The following LCMT1 variants were observed in gnomAD, a reference collection of about 807,000 sequenced individuals.
LCMT1 encodes [Phosphatase 2A protein]-leucine-carboxy methyltransferase 1.
Under a neutral mutation model 47.7 loss-of-function variants are expected in LCMT1, and 32 were observed. The ratio of observed to expected loss-of-function variants is 0.67; its 90% CI spans 0.51 to 0.90. LCMT1 has a LOEUF of 0.90. Ranked by LOEUF, LCMT1 falls within the 40% of genes least tolerant of loss-of-function variation. The probability of loss-of-function intolerance (pLI) is 0.00; values close to 1 mark genes in which losing one functional copy is unlikely to be tolerated. For missense variants in LCMT1, 375 were observed against 415.2 expected (o/e 0.90, Z 0.84); for synonymous variants, 152 against 149.7 (o/e 1.02, Z -0.11).
At chr16:25,134,693 C>T (rs1204397904) in intron 3 of LCMT1, among the ~76,000 whole-genome samples, 17 of 152,184 alleles carry the variant, frequency 1.1e-4, no homozygotes, top group African/African-American at 2.9e-4. Context: ...CTCCACCTCC[C>T]GGGTTGAAGC....
At chr16:25,151,005 A>G (rs540924046) in intron 4 of LCMT1, among the ~76,000 whole-genome samples, 84 of 152,270 alleles carry the variant, frequency 5.5e-4, no homozygotes, top group Non-Finnish European at 9.4e-4. Context: ...CCGGGGACAG[A>G]AAGTGTGTTG....
intron 4 of LCMT1, chr16:25,147,855 C>A (rs1253789077): frequency 6.6e-6 from 1 of 152,284 alleles, no homozygotes; most frequent in East Asian, 1.9e-4. Context: ...ACACCCGGCT[C>A]ATTTTTCCTG....
chr16:25,115,232 G>T (rs1015248307), intron 1 of LCMT1, among the ~76,000 whole-genome samples: 3 of 152,142 alleles, frequency 2.0e-5, no homozygotes, highest in African/African-American at 7.2e-5. Context: ...CACCTCAGTG[G>T]TTCTCTCTGT....
Position 25,164,680 on chromosome 16 carries a change from A to G in LCMT1, c.652A>G (p.Asn218Asp). Reference protein sequence around the residue: ...QSANLLKWAANSFERAMFINY... With the variant: ...QSANLLKWAADSFERAMFINY... The stretch of plus-strand genomic sequence containing the variant: ...CGCAAACCTCCTGAAGTGGGCAGCC[A>G]ACAGTTTTGAGAGAGCCATGTTCAT... The change falls in exon 7 of 11, where the codon AAC becomes GAC. Residue 218 changes from asparagine (N) to aspartate (D), a missense_variant. Asn to Asp is a conservative substitution (Grantham distance 23). Transcript: ENST00000399069. The G allele has an allele frequency of 6.2e-7, 1 of 1,614,044 alleles. No homozygotes were observed.
At chr16:25,125,155 G>A (rs1270991649) in intron 1 of LCMT1, among the ~76,000 whole-genome samples, 2 of 152,188 alleles carry the variant, frequency 1.3e-5, no homozygotes, top group Non-Finnish European at 2.9e-5. Flanking sequence ...GAAATTGACA[G>A]GCAGAACTAG....
chr16:25,174,499 T>C (rs1438199421), intron 9 of LCMT1, among the ~76,000 whole-genome samples: 3 of 152,198 alleles, frequency 2.0e-5, no homozygotes, highest in Non-Finnish European at 4.4e-5. Context: ...GCTTTTTAAA[T>C]TCCATGATAT....
At chr16:25,129,731 T>G (rs1960295209) in intron 2 of LCMT1, among the ~76,000 whole-genome samples, 1 of 152,226 alleles carries the variant, frequency 6.6e-6, no homozygotes, top group African/African-American at 2.4e-5. Context: ...CTGGACTAAT[T>G]ATGTGGATTT....
chr16:25,163,509 TGTAC>T (rs1287429474), intron 6 of LCMT1, among the ~76,000 whole-genome samples: 2 of 151,852 alleles, frequency 1.3e-5, no homozygotes, highest in Non-Finnish European at 2.9e-5. Context: ...TATGTGTATA[TGTAC>T]ACATACAATC....
chr16:25,143,691 G>A (rs1476951940), intron 4 of LCMT1: 14 of 152,198 alleles, frequency 9.2e-5, no homozygotes, highest in African/African-American at 2.9e-4. Flanking sequence ...GTCAAGAAGG[G>A]GGAATTGGAT....
At chr16:25,138,286 G>A (rs1254240837) in intron 3 of LCMT1, among the ~76,000 whole-genome samples, 1 of 152,176 alleles carries the variant, frequency 6.6e-6, no homozygotes, top group South Asian at 2.1e-4. Flanking sequence ...ACACAGCAGC[G>A]TGCAGCTTTG....
intron 5 of LCMT1, among the ~76,000 whole-genome samples, chr16:25,154,397 CTCTTGTAAATTT>C (rs1404140350): frequency 6.6e-6 from 1 of 151,790 alleles, no homozygotes; most frequent in African/African-American, 2.4e-5. Flanking sequence ...ACTTTGGGAC[CTCTTGTAAATTT>C]TTTTATTTCC....
intron 7 of LCMT1, among the ~76,000 whole-genome samples, chr16:25,166,115 C>G (rs1961580673): frequency 6.6e-6 from 1 of 151,556 alleles, no homozygotes; most frequent in Admixed American, 6.6e-5. Context: ...ACAAAAAATA[C>G]AAAAATTAGC....
intron 8 of LCMT1, among the ~76,000 whole-genome samples, chr16:25,169,757 C>CTT (rs71156487): frequency 1.2e-4 from 18 of 151,646 alleles, no homozygotes; most frequent in Non-Finnish European, 1.0e-4. Flanking sequence ...TTTAAAAAAC[C>CTT]TTTTTTTTAT....
chr16:25,157,562 T>TAA (rs57016905), intron 5 of LCMT1, among the ~76,000 whole-genome samples: 1 of 146,360 alleles, frequency 6.8e-6, no homozygotes, highest in African/African-American at 2.5e-5. Context: ...GCAACAACAA[T>TAA]AAAAAAAAAA....
At chr16:25,118,528 G>A (rs909922865) in intron 1 of LCMT1, among the ~76,000 whole-genome samples, 17 of 152,162 alleles carry the variant, frequency 1.1e-4, no homozygotes, top group African/African-American at 4.1e-4. Context: ...TTCCTGGAGT[G>A]GGGGTGGGTA....
chr16:25,131,039 A>G (rs1179287238), intron 2 of LCMT1, among the ~76,000 whole-genome samples: 2 of 152,252 alleles, frequency 1.3e-5, no homozygotes, highest in Non-Finnish European at 2.9e-5. Context: ...TAGGCTCTGC[A>G]GATAATTTCC....
At chr16:25,132,071 C>G in intron 2 of LCMT1, 1 of 408,320 alleles carries the variant, frequency 2.4e-6, no homozygotes. Context: ...GAGTGGCTTT[C>G]ATTATAGCCA....
intron 1 of LCMT1, among the ~76,000 whole-genome samples, 166 bp downstream of exon 1, chr16:25,112,162 T>C (rs1043999418): frequency 6.6e-6 from 1 of 152,224 alleles, no homozygotes; most frequent in African/African-American, 2.4e-5. Context: ...CTTCATTTAT[T>C]TAACGAATCG....
intron 4 of LCMT1, chr16:25,145,318 A>G (rs1486663507): frequency 6.6e-6 from 1 of 152,226 alleles, no homozygotes; most frequent in Non-Finnish European, 1.5e-5. Context: ...GACAATGAAC[A>G]AGTCATCCAC....
Sources: allele counts gnomAD v4.1 joint callset (sites outside exome capture counted in the v4.1 genomes callset), GRCh38; gene constraint gnomAD v4.1.1; transcripts MANE v1.5; gene names NCBI Gene and HGNC (gene_info 2026-07-23, HGNC 2026-07-21).